Variants in GALNTL6 observed in about 807,000 individuals in gnomAD.
GALNTL6 encodes the protein polypeptide N-acetylgalactosaminyltransferase like 6.
GALNTL6 carries 46 observed loss-of-function variants against 73.7 expected under a neutral mutation model. That is an observed-to-expected ratio of 0.62 (90% CI 0.49 to 0.80). GALNTL6 has a LOEUF of 0.80. GALNTL6 is among the 30% of genes least tolerant of loss of function. GALNTL6 has a pLI of 0.00. For synonymous variants in GALNTL6, 259 were observed against 263.7 expected (o/e 0.98, Z 0.17); for missense variants, 604 against 755.0 (o/e 0.80, Z 2.34).
chr4:172,527,360 A>G (rs338046), intron 5 of GALNTL6, among the ~76,000 whole-genome samples: 150,262 of 152,320 alleles, frequency 0.99, 74,148 homozygotes, highest in Middle Eastern at 1. Context: ...ATTGCCACCA[A>G]CATATTGACC....
At chr4:172,046,237 T>C (rs998020050) in intron 2 of GALNTL6, among the ~76,000 whole-genome samples, 1 of 152,066 alleles carries the variant, frequency 6.6e-6, no homozygotes, top group Non-Finnish European at 1.5e-5. Flanking sequence ...TTCTTTGATA[T>C]ATTGATTTTA....
In GALNTL6 at chr4:171,897,015, A is replaced by C. The variant is rs150733349; in HGVS notation, c.138+82297A>C. On this transcript the variant is annotated intron_variant, in intron 2 of 12. Coordinates refer to ENST00000506823, the MANE Select transcript of GALNTL6 (RefSeq NM_001034845.3). ...AATAGACCGCAATCCAATTACAATA[A>C]ATTATATTAAATATTAATTAACTGA... Among the ~76,000 whole-genome samples the C allele has an allele frequency of 2.4e-3, 277 of 114,298 alleles. 1 individual carries two copies. Among genetic ancestry groups the C allele is most frequent in the Admixed American group, 0.012 (152 of 12,650 alleles). 75.0% of individuals were successfully genotyped at this position (114,298 alleles called of 152,430 possible).
chr4:172,996,370 AC>A (rs1375792401), intron 10 of GALNTL6, among the ~76,000 whole-genome samples: 1 of 152,088 alleles, frequency 6.6e-6, no homozygotes, highest in Non-Finnish European at 1.5e-5. Flanking sequence ...GGGGAACAGC[AC>A]ACACCGGGGG....
intron 2 of GALNTL6, among the ~76,000 whole-genome samples, chr4:171,896,821 A>C (rs1425049631): frequency 6.6e-6 from 1 of 152,222 alleles, no homozygotes; most frequent in African/African-American, 2.4e-5. Flanking sequence ...TGTAGACTGT[A>C]ATCTATTATA....
chr4:171,882,090 T>G (rs1736466612), intron 2 of GALNTL6, among the ~76,000 whole-genome samples: 1 of 152,236 alleles, frequency 6.6e-6, no homozygotes, highest in Non-Finnish European at 1.5e-5. Flanking sequence ...CTTCTTCCTT[T>G]TATTTTACTT....
intron 5 of GALNTL6, among the ~76,000 whole-genome samples, chr4:172,789,214 G>A (rs1003821968): frequency 6.6e-6 from 1 of 152,140 alleles, no homozygotes; most frequent in African/African-American, 2.4e-5. Context: ...CTGATTGGCC[G>A]GCTTCAAGTG....
At chr4:172,593,459 C>T (rs774195767) in intron 5 of GALNTL6, among the ~76,000 whole-genome samples, 4 of 152,122 alleles carry the variant, frequency 2.6e-5, no homozygotes, top group Non-Finnish European at 4.4e-5. Flanking sequence ...TTAGGATCAT[C>T]GGTAATGCTG....
intron 2 of GALNTL6, among the ~76,000 whole-genome samples, chr4:171,904,858 G>C (rs1375805608): frequency 6.6e-6 from 1 of 152,108 alleles, no homozygotes; most frequent in Non-Finnish European, 1.5e-5. Flanking sequence ...TTAAATAAAA[G>C]AATTTTCAAC....
At chr4:172,308,649 G>A (rs1740245049) in intron 3 of GALNTL6, among the ~76,000 whole-genome samples, 1 of 151,914 alleles carries the variant, frequency 6.6e-6, no homozygotes, top group Admixed American at 6.6e-5. Context: ...ACTTGCACCT[G>A]GCATAAAATT....
At chr4:172,296,305 G>T (rs1739670550) in intron 3 of GALNTL6, among the ~76,000 whole-genome samples, 1 of 151,860 alleles carries the variant, frequency 6.6e-6, no homozygotes, top group Admixed American at 6.6e-5. Context: ...TTGTATTTTT[G>T]GAATAAATCT....
At chr4:171,901,363 A>G (rs1395591885) in intron 2 of GALNTL6, among the ~76,000 whole-genome samples, 1 of 152,192 alleles carries the variant, frequency 6.6e-6, no homozygotes, top group African/African-American at 2.4e-5. Flanking sequence ...TGAAGAACAT[A>G]CATGAACCTT....
At chr4:171,975,887 T>C (rs1252644645) in intron 2 of GALNTL6, among the ~76,000 whole-genome samples, 1 of 152,144 alleles carries the variant, frequency 6.6e-6, no homozygotes, top group African/African-American at 2.4e-5. Flanking sequence ...AAGTTGTCAA[T>C]TGACTTCATG....
At chr4:172,665,727 T>C (rs1288816096) in intron 5 of GALNTL6, among the ~76,000 whole-genome samples, 1 of 152,260 alleles carries the variant, frequency 6.6e-6, no homozygotes, top group African/African-American at 2.4e-5. Flanking sequence ...GCACAAGGAA[T>C]GGAATGAACT....
At chr4:172,726,078 C>T (rs1735780202) in intron 5 of GALNTL6, among the ~76,000 whole-genome samples, 1 of 151,308 alleles carries the variant, frequency 6.6e-6, no homozygotes, top group South Asian at 2.1e-4. Flanking sequence ...GATGAATAAA[C>T]GTACACTGAC....
At chr4:172,039,971 T>C (rs2110837539) in intron 2 of GALNTL6, among the ~76,000 whole-genome samples, 1 of 152,138 alleles carries the variant, frequency 6.6e-6, no homozygotes, top group East Asian at 1.9e-4. Context: ...ATGATAAAAA[T>C]ATTGCAATCC....
At chr4:172,232,852 A>G (rs76209481) in intron 3 of GALNTL6, among the ~76,000 whole-genome samples, 2,006 of 152,166 alleles carry the variant, frequency 0.013, 50 homozygotes, top group African/African-American at 0.046. Flanking sequence ...TTCTGTTTCC[A>G]TCTTTTGAAT....
At chr4:172,787,077 C>T (rs1333752649) in intron 5 of GALNTL6, among the ~76,000 whole-genome samples, 1 of 152,044 alleles carries the variant, frequency 6.6e-6, no homozygotes, top group African/African-American at 2.4e-5. Context: ...ATCTATTTTC[C>T]AGAGAAAGTA....
intron 5 of GALNTL6, among the ~76,000 whole-genome samples, chr4:172,790,754 C>T (rs936988910): frequency 3.9e-5 from 6 of 151,954 alleles, no homozygotes; most frequent in Non-Finnish European, 8.8e-5. Flanking sequence ...ATTAGCTGGG[C>T]ATGGTGATGT....
chr4:172,500,163 A>G (rs1043304910), intron 5 of GALNTL6, among the ~76,000 whole-genome samples: 2 of 152,198 alleles, frequency 1.3e-5, no homozygotes, highest in Admixed American at 1.3e-4. Flanking sequence ...GCTCATGCCT[A>G]TAATCCAAGC....
Sources: gnomAD v4.1 joint callset for allele counts (sites outside exome capture counted in the v4.1 genomes callset) on GRCh38, gnomAD v4.1.1 for gene constraint, MANE v1.5 for transcripts, NCBI Gene and HGNC (gene_info 2026-07-23, HGNC 2026-07-21) for gene names.